The following BEST3 variants were observed in gnomAD, a reference collection of about 807,000 sequenced individuals.
BEST3 encodes bestrophin-3.
BEST3 carries 50 observed loss-of-function variants against 47.1 expected under a neutral mutation model. The observed-to-expected ratio is 1.06, with a 90% CI of 0.85 to 1.34. BEST3 has a LOEUF of 1.34. Among genes scored for constraint, BEST3 ranks in the 40% most tolerant of loss-of-function variants. BEST3 has a pLI of 0.00. For missense variants in BEST3, 765 were observed against 817.0 expected (o/e 0.94, Z 0.78); for synonymous variants, 282 against 298.8 (o/e 0.94, Z 0.58).
At chr12:69,647,140 G>A (rs1192256565) in intron 9 of BEST3, among the ~76,000 whole-genome samples, 1 of 152,178 alleles carries the variant, frequency 6.6e-6, no homozygotes, top group East Asian at 1.9e-4. Flanking sequence ...TGGCCATTTG[G>A]TGTAAGCCTC....
downstream of BEST3, among the ~76,000 whole-genome samples, chr12:69,649,709 C>T (rs1883149860): frequency 6.6e-6 from 1 of 152,144 alleles, no homozygotes; most frequent in South Asian, 2.1e-4. Context: ...CATTTCTGGC[C>T]TCTACCCACT....
In BEST3 at chr12:69,678,738, C is replaced by G; in HGVS notation, c.636+1G>C. The G allele has an allele frequency of 6.2e-7, 1 of 1,613,502 alleles. No homozygotes were observed. Among genetic ancestry groups the G allele is most frequent in the Non-Finnish European group, 8.5e-7 (1 of 1,179,658 alleles). Reference sequence around the variant, plus strand: ...TTTCTTATGATTTATGATATACTTACAGTCATCAATGATTGCAGATCAACA... The same window carrying G: ...TTTCTTATGATTTATGATATACTTAGAGTCATCAATGATTGCAGATCAACA... On this transcript the variant is annotated splice_donor_variant, in intron 5 of 9. Coordinates refer to ENST00000330891, the MANE Select transcript of BEST3 (RefSeq NM_032735.3). LOFTEE classifies it high-confidence loss of function.
At chr12:69,653,118 C>T (rs1355893815), downstream of BEST3, among the ~76,000 whole-genome samples, 3 of 152,138 alleles carry the variant, frequency 2.0e-5, no homozygotes, top group African/African-American at 7.2e-5. Flanking sequence ...TTGAACATTG[C>T]GTATCAGGAG....
chr12:69,656,361 A>T (rs1447310008), intron 9 of BEST3, among the ~76,000 whole-genome samples: 2 of 114,820 alleles, frequency 1.7e-5, no homozygotes, highest in African/African-American at 6.2e-5. Context: ...ATCTATATCT[A>T]TGAATCTATC....
chr12:69,652,877 G>A (rs188306661), downstream of BEST3, among the ~76,000 whole-genome samples: 1 of 152,330 alleles, frequency 6.6e-6, no homozygotes, highest in Admixed American at 6.5e-5. Flanking sequence ...CTGCCTTCTA[G>A]AAGTGTTATA....
intron 4 of BEST3, among the ~76,000 whole-genome samples, chr12:69,679,994 T>A (rs1235550855): frequency 1.3e-5 from 2 of 152,122 alleles, no homozygotes; most frequent in Admixed American, 1.3e-4. Context: ...TTTTCTCATC[T>A]GTAAAAGAGA....
chr12:69,659,788 T>C (rs931657150), intron 9 of BEST3, among the ~76,000 whole-genome samples: 4 of 152,158 alleles, frequency 2.6e-5, no homozygotes, highest in Non-Finnish European at 5.9e-5. Context: ...ATCCTGAGGC[T>C]CAATATAATA....
chr12:69,690,178 T>C (rs1396821115), intron 4 of BEST3, among the ~76,000 whole-genome samples: 2 of 152,158 alleles, frequency 1.3e-5, no homozygotes, highest in Non-Finnish European at 1.5e-5. Flanking sequence ...GGCCTGTGGG[T>C]CTGTGGATCA....
intron 2 of BEST3, among the ~76,000 whole-genome samples, chr12:69,695,602 T>C (rs1182420289): frequency 3.9e-5 from 6 of 152,272 alleles, no homozygotes; most frequent in Admixed American, 6.5e-5. Context: ...GTTTCTGATG[T>C]TCAAATAGAC....
chr12:69,689,906 T>C (rs1481469054), intron 4 of BEST3, among the ~76,000 whole-genome samples: 1 of 152,122 alleles, frequency 6.6e-6, no homozygotes, highest in Non-Finnish European at 1.5e-5. Flanking sequence ...TTGTTATCAG[T>C]AATGAGTTGG....
chr12:69,645,162 T>C (rs984208384), intron 9 of BEST3, among the ~76,000 whole-genome samples: 9 of 152,210 alleles, frequency 5.9e-5, no homozygotes, highest in African/African-American at 2.2e-4. Flanking sequence ...AATTTTGCTC[T>C]AGTTATTTGG....
intron 4 of BEST3, chr12:69,683,823 T>C (rs1034196628): frequency 6.6e-6 from 1 of 152,186 alleles, no homozygotes; most frequent in Non-Finnish European, 1.5e-5. Flanking sequence ...CTGTCTCAGA[T>C]TTTGGGGGTT....
downstream of BEST3, among the ~76,000 whole-genome samples, chr12:69,649,970 C>A (rs2135897560): frequency 6.6e-6 from 1 of 152,330 alleles, no homozygotes; most frequent in East Asian, 1.9e-4. Context: ...TTCTAGGTAA[C>A]CACCTGGCCA....
chr12:69,689,111 T>C, intron 4 of BEST3: 1 of 985,574 alleles, frequency 1.0e-6, no homozygotes, highest in Non-Finnish European at 1.2e-6. Context: ...GCTCCGGCTT[T>C]GGACTCAGGG....
At chr12:69,669,773 C>T (rs1377246461) in intron 9 of BEST3, 3 of 152,182 alleles carry the variant, frequency 2.0e-5, no homozygotes, top group East Asian at 1.9e-4. Context: ...TATTTAGAAA[C>T]AAGAGAAATG....
chr12:69,688,986 A>T, intron 4 of BEST3: 1 of 531,806 alleles, frequency 1.9e-6, no homozygotes, highest in South Asian at 8.1e-5. Flanking sequence ...AGGTGATTTT[A>T]TGTAGAGAAT....
chr12:69,663,538 G>T (rs535757678), intron 9 of BEST3, among the ~76,000 whole-genome samples: 1 of 152,146 alleles, frequency 6.6e-6, no homozygotes, highest in Admixed American at 6.5e-5. Flanking sequence ...TAATTAAAAC[G>T]CAGATCAAGG....
intron 9 of BEST3, among the ~76,000 whole-genome samples, chr12:69,666,573 G>A (rs113628212): frequency 0.037 from 5,614 of 152,170 alleles, 158 homozygotes; most frequent in African/African-American, 0.07. Context: ...TTCCTACTCT[G>A]ACTACCCTTT....
At chr12:69,660,066 T>C (rs1471259594) in intron 9 of BEST3, 3 of 152,184 alleles carry the variant, frequency 2.0e-5, no homozygotes, top group Non-Finnish European at 4.4e-5. Flanking sequence ...GATTGCTGTG[T>C]CTATGCTGAC....
Sources: gnomAD v4.1 joint callset for allele counts (sites outside exome capture counted in the v4.1 genomes callset) on GRCh38, gnomAD v4.1.1 for gene constraint, MANE v1.5 for transcripts, NCBI Gene and HGNC (gene_info 2026-07-23, HGNC 2026-07-21) for gene names.